Variants in MBD5 observed in about 807,000 individuals in gnomAD.
MBD5 encodes the protein methyl-CpG binding domain protein 5.
MBD5 carries 13 observed loss-of-function variants against 117.3 expected under a neutral mutation model. The ratio of observed to expected loss-of-function variants is 0.11; its 90% CI spans 0.07 to 0.18. MBD5 has a LOEUF of 0.18. Ranked by LOEUF, MBD5 falls within the 10% of genes least tolerant of loss-of-function variation. The pLI is 1.00. For missense variants in MBD5, 1,879 were observed against 2,093.8 expected (o/e 0.90, Z 2.00); for synonymous variants, 727 against 766.4 (o/e 0.95, Z 0.85).
chr2:148,347,220 G>C (rs1292374971), intron 4 of MBD5: 1 of 151,882 alleles, frequency 6.6e-6, no homozygotes, highest in Non-Finnish European at 1.5e-5. Context: ...TCTCTGAAAA[G>C]AAAAATTAAC....
chr2:148,135,680 G>T (rs73964452), intron 1 of MBD5, among the ~76,000 whole-genome samples: 1 of 152,072 alleles, frequency 6.6e-6, no homozygotes, highest in Non-Finnish European at 1.5e-5. Flanking sequence ...GTGGTGAGGG[G>T]CCCAGGATTT....
intron 1 of MBD5, among the ~76,000 whole-genome samples, chr2:148,107,562 T>C (rs1696402219): frequency 1.3e-5 from 2 of 152,032 alleles, no homozygotes; most frequent in Non-Finnish European, 2.9e-5. Flanking sequence ...TAATTTTTTA[T>C]TTCTCCTTTC....
At chr2:148,304,651 A>G (rs1392818997) in intron 3 of MBD5, among the ~76,000 whole-genome samples, 2 of 152,216 alleles carry the variant, frequency 1.3e-5, no homozygotes, top group Admixed American at 1.3e-4. Context: ...CTCTAACTCC[A>G]ATAAGGGCAG....
At chr2:148,280,959 G>T (rs528366597) in intron 3 of MBD5, among the ~76,000 whole-genome samples, 34 of 152,102 alleles carry the variant, frequency 2.2e-4, no homozygotes, top group African/African-American at 8.0e-4. Flanking sequence ...TTTAACTATT[G>T]TTACTTTACA....
chr2:148,138,612 G>A (rs755675538), intron 1 of MBD5, among the ~76,000 whole-genome samples: 1 of 152,222 alleles, frequency 6.6e-6, no homozygotes, highest in Non-Finnish European at 1.5e-5. Context: ...AGATTGGGAA[G>A]CTATTATACT....
At chr2:148,199,177 T>C (rs1462587236) in intron 2 of MBD5, among the ~76,000 whole-genome samples, 6 of 152,188 alleles carry the variant, frequency 3.9e-5, no homozygotes, top group Non-Finnish European at 8.8e-5. Flanking sequence ...ATATCTCAGC[T>C]TTGCTCTTAA....
At chr2:148,102,700 T>TCACACA (rs72105542) in intron 1 of MBD5, among the ~76,000 whole-genome samples, 21 of 131,788 alleles carry the variant, frequency 1.6e-4, no homozygotes, top group East Asian at 4.5e-4. Context: ...GAGAGAGAGA[T>TCACACA]CACACACACA....
chr2:148,348,165 T>A (rs1042641094), intron 4 of MBD5, among the ~76,000 whole-genome samples: 1 of 152,050 alleles, frequency 6.6e-6, no homozygotes, highest in Non-Finnish European at 1.5e-5. Flanking sequence ...CCTGAAGGAC[T>A]GATCATCTTT....
intron 1 of MBD5, among the ~76,000 whole-genome samples, chr2:148,168,253 T>C (rs1485317925): frequency 6.6e-6 from 1 of 152,150 alleles, no homozygotes; most frequent in African/African-American, 2.4e-5. Flanking sequence ...CCCTGTCTCT[T>C]ATCCAGTAAT....
intron 1 of MBD5, chr2:148,021,900 G>C (rs1005695567): frequency 1.3e-5 from 2 of 156,322 alleles, no homozygotes; most frequent in African/African-American, 4.8e-5. Flanking sequence ...ATTTGCTGTT[G>C]TCAAAAGTGG....
intron 1 of MBD5, among the ~76,000 whole-genome samples, chr2:148,126,902 A>G (rs972946757): frequency 6.6e-6 from 1 of 151,684 alleles, no homozygotes; most frequent in Non-Finnish European, 1.5e-5. Context: ...AATATGTAAG[A>G]TGTTTTGCAA....
intron 3 of MBD5, among the ~76,000 whole-genome samples, chr2:148,291,132 A>G (rs910208980): frequency 7.9e-5 from 12 of 152,196 alleles, no homozygotes; most frequent in Non-Finnish European, 1.8e-4. Flanking sequence ...AGGAAGTAAG[A>G]GTCCTCCAAT....
chr2:148,288,317 G>A (rs35113660), intron 3 of MBD5, among the ~76,000 whole-genome samples: 29,115 of 78,242 alleles, frequency 0.37, 5,692 homozygotes, highest in East Asian at 0.7. Flanking sequence ...GGAGAATGGC[G>A]TGAACCCGGG....
At chr2:148,480,085 C>G (rs190832976) in intron 8 of MBD5, among the ~76,000 whole-genome samples, 41 of 151,912 alleles carry the variant, frequency 2.7e-4, no homozygotes, top group South Asian at 6.2e-4. Context: ...ATTCTATTGT[C>G]CAGCAGAGTA....
chr2:148,305,805 A>T (rs1701876922), intron 3 of MBD5, among the ~76,000 whole-genome samples: 1 of 152,218 alleles, frequency 6.6e-6, no homozygotes, highest in African/African-American at 2.4e-5. Context: ...GCCAGATATC[A>T]AAGGAAACTA....
At chr2:148,428,361 G>T (rs981385725) in intron 4 of MBD5, among the ~76,000 whole-genome samples, 4 of 151,990 alleles carry the variant, frequency 2.6e-5, no homozygotes, top group African/African-American at 9.7e-5. Context: ...CAAATAAATG[G>T]AAAAACGTTC....
intron 1 of MBD5, among the ~76,000 whole-genome samples, chr2:148,043,891 ATTTAAGTG>A (rs1430564944): frequency 1.3e-5 from 2 of 152,224 alleles, no homozygotes; most frequent in African/African-American, 4.8e-5. Flanking sequence ...ATCTGCAGTT[ATTTAAGTG>A]TTTAATACAT....
chr2:148,195,690 A>C (rs1005847329), intron 2 of MBD5, among the ~76,000 whole-genome samples: 2 of 152,206 alleles, frequency 1.3e-5, no homozygotes, highest in African/African-American at 4.8e-5. Context: ...GAAGTCATCC[A>C]GAGTATGTTC....
At chr2:148,232,154 GA>G (rs796655170) in intron 2 of MBD5, among the ~76,000 whole-genome samples, 3 of 152,298 alleles carry the variant, frequency 2.0e-5, no homozygotes, top group African/African-American at 7.2e-5. Context: ...CATGTTTGAA[GA>G]AGAACATGAA....
Sources: gnomAD v4.1 joint callset for allele counts (sites outside exome capture counted in the v4.1 genomes callset) on GRCh38, gnomAD v4.1.1 for gene constraint, MANE v1.5 for transcripts, NCBI Gene and HGNC (gene_info 2026-07-23, HGNC 2026-07-21) for gene names.